Variants in PLXNA1 observed in about 807,000 individuals in gnomAD.
The protein encoded by PLXNA1 is plexin-A1.
PLXNA1 carries 77 observed loss-of-function variants against 191.7 expected under a neutral mutation model. The ratio of observed to expected loss-of-function variants is 0.40; its 90% CI spans 0.33 to 0.49. The LOEUF (loss-of-function observed/expected upper bound fraction) is 0.49, where lower values mean the gene tolerates loss of function less well. Among genes scored for constraint, PLXNA1 ranks in the 20% least tolerant of loss-of-function variants. The pLI is 0.63. For synonymous variants in PLXNA1, 1,137 were observed against 1,156.4 expected (o/e 0.98, Z 0.34); for missense variants, 2,110 against 2,660.2 (o/e 0.79, Z 4.55).
chr3:126,996,453 C>T (rs1198989942), intron 3 of PLXNA1, among the ~76,000 whole-genome samples: 3 of 152,212 alleles, frequency 2.0e-5, no homozygotes, highest in Non-Finnish European at 2.9e-5. Flanking sequence ...TCACAGCCCA[C>T]GCAAGTGCAA....
rs1168294368 is a variant in PLXNA1, at chr3:127,029,491, A to C, written c.4825A>C (p.Asn1609His). 1 of 1,613,928 alleles carries C rather than the reference A, an allele frequency of 6.2e-7. No individual in the cohort carries two copies. Among genetic ancestry groups the C allele is most frequent in the Non-Finnish European group, 8.5e-7 (1 of 1,179,958 alleles). Reference protein sequence around the residue: ...ALVPKQTSAYNISNSSTFTKS... With the variant: ...ALVPKQTSAYHISNSSTFTKS... ...GGTGCCCAAGCAGACGTCCGCCTACAACATCTCCAACTCCTCCACCTTCAC... is the reference window on the plus strand; with the variant it reads ...GGTGCCCAAGCAGACGTCCGCCTACCACATCTCCAACTCCTCCACCTTCAC... Residue 1609 changes from asparagine (N) to histidine (H), a missense_variant, in exon 27 of 32, where the codon AAC becomes CAC. Transcript: ENST00000393409.
chr3:127,030,869 G>A (rs76804717), intron 29 of PLXNA1, among the ~76,000 whole-genome samples: 4,014 of 152,280 alleles, frequency 0.026, 79 homozygotes, highest in Middle Eastern at 0.041. Flanking sequence ...TTACTGAGGC[G>A]CAGAGGCCGA....
rs752307786 is a variant in PLXNA1 at position 127,028,300 on chromosome 3, G to C, written c.4629G>C (p.Val1543=). ...EKLLDAAYKG[V]PYSQRPKAAD... Reference sequence around the variant, plus strand: ...TGCTGGACGCTGCCTACAAGGGCGTGCCCTACTCCCAGCGGCCCAAGGCCG... The same window carrying C: ...TGCTGGACGCTGCCTACAAGGGCGTCCCCTACTCCCAGCGGCCCAAGGCCG... The change falls in exon 25 of 32, where the codon GTG becomes GTC. Residue 1543 remains valine (V), a synonymous_variant. Coordinates refer to ENST00000393409, the MANE Select transcript of PLXNA1 (RefSeq NM_032242.4). 4 of 1,612,492 alleles carry C rather than the reference G, an allele frequency of 2.5e-6. No individual in the cohort carries two copies. The highest frequency in any genetic ancestry group is 3.4e-6 in the Non-Finnish European group (4 of 1,179,970).
chr3:127,031,444 G>C (rs1403759999), intron 29 of PLXNA1, among the ~76,000 whole-genome samples: 1 of 152,164 alleles, frequency 6.6e-6, no homozygotes, highest in South Asian at 2.1e-4. Context: ...GCTGGACCCT[G>C]CTTCACCAGG....
At chr3:126,984,394 G>T (rs944194201) in intron 1 of PLXNA1, among the ~76,000 whole-genome samples, 2 of 152,252 alleles carry the variant, frequency 1.3e-5, no homozygotes, top group African/African-American at 4.8e-5. Flanking sequence ...TTCACACGTA[G>T]CCGGTTTGGG....
rs991892572 is a variant in PLXNA1, at chr3:127,005,156, A to T, written c.1810A>T (p.Thr604Ser). 2 of 1,612,598 alleles carry T rather than the reference A, an allele frequency of 1.2e-6. No individual in the cohort carries two copies. Among genetic ancestry groups the T allele is most frequent in the Non-Finnish European group, 1.7e-6 (2 of 1,179,896 alleles). ...CGTCAACTGCTCCTTCGAGGACTTCACGGAATCTGAGAGCGTCCTGGAGGA... is the reference window on the plus strand; with the variant it reads ...CGTCAACTGCTCCTTCGAGGACTTCTCGGAATCTGAGAGCGTCCTGGAGGA... ...AGVNCSFEDF[T>S]ESESVLEDGR... The change falls in exon 7 of 32, where the codon ACG becomes TCG. Residue 604 changes from threonine to serine, a missense_variant. Thr to Ser is a moderately conservative substitution (Grantham distance 58). Around this residue, in one of 4 missense-constraint regions of PLXNA1, gnomAD observed 903 missense variants for 1,015.7 expected, o/e 0.89. Coordinates refer to ENST00000393409, the MANE Select transcript of PLXNA1 (RefSeq NM_032242.4).
chr3:127,000,122 T>C (rs1377910799), intron 3 of PLXNA1, among the ~76,000 whole-genome samples: 1 of 142,008 alleles, frequency 7.0e-6, no homozygotes, highest in Non-Finnish European at 1.5e-5. Flanking sequence ...GCGGCATGCA[T>C]GGGCAGCGCC....
intron 1 of PLXNA1, among the ~76,000 whole-genome samples, chr3:126,987,218 C>T (rs2078963077): frequency 6.6e-6 from 1 of 152,258 alleles, no homozygotes; most frequent in Non-Finnish European, 1.5e-5. Flanking sequence ...CCATCAGAGT[C>T]ATCTGCCTAC....
At chr3:127,007,046 T>A (rs948379630) in intron 8 of PLXNA1, among the ~76,000 whole-genome samples, 1 of 152,190 alleles carries the variant, frequency 6.6e-6, no homozygotes, top group African/African-American at 2.4e-5. Context: ...AGCAGGCTTT[T>A]TATTTCCAGG....
At chr3:127,023,499 G>A (rs1248919332) in intron 23 of PLXNA1, among the ~76,000 whole-genome samples, 1 of 152,236 alleles carries the variant, frequency 6.6e-6, no homozygotes, top group Non-Finnish European at 1.5e-5. Context: ...CATGCTCCTC[G>A]CCTGGCTTCA....
In PLXNA1 at chr3:126,983,181, G is replaced by C. The variant is rs1414575375; in HGVS notation, c.-180G>C. Among the ~76,000 whole-genome samples the C allele has an allele frequency of 1.4e-5, 2 of 144,330 alleles. No homozygotes were observed. The highest frequency in any genetic ancestry group is 5.0e-5 in the African/African-American group (2 of 40,310). The allele number at this position is 144,330 out of a possible 152,430, so 94.7% of individuals were successfully genotyped here. On this transcript the variant is annotated 5_prime_UTR_variant, in exon 1 of 32. Coordinates refer to ENST00000393409, the MANE Select transcript of PLXNA1 (RefSeq NM_032242.4). ...CGGGCGCGGCGGCGGCCTCGGCCTGGGCGGCCTACGCGGCTTCGGCGGCCC... is the reference window on the plus strand; with the variant it reads ...CGGGCGCGGCGGCGGCCTCGGCCTGCGCGGCCTACGCGGCTTCGGCGGCCC...
rs1288950113 is a variant in PLXNA1 at position 126,991,406 on chromosome 3, T to C, written c.1217T>C (p.Phe406Ser). The change falls in exon 3 of 32, where the codon TTC becomes TCC. Residue 406 changes from phenylalanine (F) to serine (S), a missense_variant. Transcript: ENST00000393409. ...INSPLQIDDD[F>S]CGQDFNQPLG... ...CAGCCCCTGCAGATCGATGACGACTTCTGCGGGCAGGACTTCAACCAGCCC... is the reference window on the plus strand; with the variant it reads ...CAGCCCCTGCAGATCGATGACGACTCCTGCGGGCAGGACTTCAACCAGCCC... 1 of 1,612,622 alleles carries C rather than the reference T, an allele frequency of 6.2e-7. No homozygotes were observed. The highest frequency in any genetic ancestry group is 1.3e-5 in the African/African-American group (1 of 74,928).
chr3:126,989,637 C>T lies in PLXNA1; in HGVS notation c.1044C>T (p.Arg348=), dbSNP rs373912187. ...FTVFAQGQKN[R]VKPPKESALC... ...TGTTCGCCCAGGGCCAGAAGAACCGCGTGAAGCCACCAAAGGAGTCAGCAC... is the reference window on the plus strand; with the variant it reads ...TGTTCGCCCAGGGCCAGAAGAACCGTGTGAAGCCACCAAAGGAGTCAGCAC... The change falls in exon 2 of 32, where the codon CGC becomes CGT. Residue 348 remains arginine (R), a synonymous_variant. Coordinates refer to ENST00000393409, the MANE Select transcript of PLXNA1 (RefSeq NM_032242.4). The T allele has an allele frequency of 2.5e-5, 41 of 1,612,984 alleles. No individual in the cohort carries two copies. Among genetic ancestry groups the T allele is most frequent in the East Asian group, 4.5e-5 (2 of 44,890 alleles).
At position 126,989,168 on chromosome 3, in the gene PLXNA1, A is replaced by G. The variant is rs1478840803; in HGVS notation, c.575A>G (p.Asp192Gly). The G allele has an allele frequency of 3.1e-6, 5 of 1,613,480 alleles. No homozygotes were observed. Among genetic ancestry groups the G allele is most frequent in the Non-Finnish European group, 4.2e-6 (5 of 1,180,044 alleles). Residue 192 changes from aspartate to glycine, a missense_variant, in exon 2 of 32, where the codon GAT becomes GGT. By Grantham distance (94) the Asp-to-Gly change is moderately conservative. Coordinates refer to ENST00000393409, the MANE Select transcript of PLXNA1 (RefSeq NM_032242.4). Reference sequence around the variant, plus strand: ...AAGCTCTTCGTGGGCACACCCATCGATGGCAAGTCCGAGTACTTCCCCACA... The same window carrying G: ...AAGCTCTTCGTGGGCACACCCATCGGTGGCAAGTCCGAGTACTTCCCCACA... ...QAKLFVGTPI[D>G]GKSEYFPTLS...
intron 1 of PLXNA1, among the ~76,000 whole-genome samples, chr3:126,987,369 G>A (rs936242607): frequency 6.6e-6 from 1 of 152,346 alleles, no homozygotes; most frequent in East Asian, 1.9e-4. Context: ...GACCTCGTGT[G>A]CAGGTCAGAA....
At position 127,036,892 on chromosome 3, in the gene PLXNA1, C is replaced by T. The variant is rs2079246493; in HGVS notation, c.*2875C>T. The stretch of plus-strand genomic sequence containing the variant: ...GTGCTGGAAAAGCTCACGCCTCGGC[C>T]TGGGAGCCTGGCCTCTTGATATACC... On this transcript the variant is annotated 3_prime_UTR_variant, in exon 32 of 32. Coordinates refer to ENST00000393409, the MANE Select transcript of PLXNA1 (RefSeq NM_032242.4). 1 of 152,422 alleles carries T rather than the reference C, an allele frequency of 6.6e-6. No homozygotes were observed. The highest frequency in any genetic ancestry group is 1.5e-5 in the Non-Finnish European group (1 of 68,158). The allele number at this position is 152,422 out of a possible 1,614,324, so 9.4% of individuals were successfully genotyped here.
chr3:126,991,697 G>A lies in PLXNA1; in HGVS notation c.1377+131G>A, dbSNP rs981531107. The A allele has an allele frequency of 7.9e-6, 8 of 1,015,780 alleles. No homozygotes were observed. In the African/African-American group the frequency reaches 8.2e-5, roughly 10 times the overall value. 62.9% of individuals were successfully genotyped at this position (1,015,780 alleles called of 1,614,324 possible). A position where few individuals can be genotyped will look rare whatever the true frequency, so the allele number is the denominator to read the frequency against. On this transcript the variant is annotated intron_variant, in intron 3 of 31. Transcript: ENST00000393409. ...AGATCTGGCGTACAGGGGGCAGGGG[G>A]AATGTTGCCCTACACTAGGCCCAGT... is the stretch of plus-strand genomic sequence containing the variant.
chr3:127,029,783 GT>G, intron 27 of PLXNA1, 90 bp from the exon 28 acceptor site: 1 of 1,391,310 alleles, frequency 7.2e-7, no homozygotes, highest in Non-Finnish European at 9.6e-7. Flanking sequence ...ATGGGTGGGG[GT>G]GCCATCCCCA....
intron 3 of PLXNA1, 142 bp downstream of exon 3, chr3:126,991,708 T>A: frequency 1.1e-6 from 1 of 926,766 alleles, no homozygotes; most frequent in Non-Finnish European, 1.5e-6. Flanking sequence ...AATGTTGCCC[T>A]ACACTAGGCC....
Sources: allele counts gnomAD v4.1 joint callset (sites outside exome capture counted in the v4.1 genomes callset), GRCh38; gene constraint gnomAD v4.1.1; regional missense constraint gnomAD v4.1.1; transcripts MANE v1.5; gene names NCBI Gene and HGNC (gene_info 2026-07-23, HGNC 2026-07-21).